NPIPB2: variants seen among roughly 807,000 people sequenced by gnomAD.
NPIPB2 encodes nuclear pore complex interacting protein family member B2, also known as nuclear pore complex-interacting protein family member B2.
Under a neutral mutation model 30.8 loss-of-function variants are expected in NPIPB2, and 27 were observed. That is an observed-to-expected ratio of 0.88 (90% CI 0.65 to 1.21). The LOEUF is 1.21. Among genes scored for constraint, NPIPB2 ranks in the 50% most tolerant of loss-of-function variants. The pLI, the probability that NPIPB2 is intolerant of heterozygous loss-of-function variation, is 0.00. For missense variants in NPIPB2, 440 were observed against 446.2 expected, an observed-to-expected ratio of 0.99 and a Z score of 0.13; for synonymous variants, 147 against 162.0, an observed-to-expected ratio of 0.91 and a Z score of 0.70.
chr16:11,963,244 G>C (rs2055167203), intron 1 of NPIPB2, among the ~76,000 whole-genome samples: 1 of 152,040 alleles, frequency 6.6e-6, no homozygotes, highest in Non-Finnish European at 1.5e-5. Context: ...GCCAGGCGTG[G>C]TGGCATGCAC....
intron 1 of NPIPB2, among the ~76,000 whole-genome samples, chr16:11,952,852 C>T (rs920879211): frequency 6.6e-6 from 1 of 152,148 alleles, no homozygotes; most frequent in Non-Finnish European, 1.5e-5. Context: ...AGGTGTCAGC[C>T]ACCGTGCCTG....
upstream of NPIPB2, among the ~76,000 whole-genome samples, chr16:11,946,774 T>G (rs960296584): frequency 6.6e-6 from 1 of 152,070 alleles, no homozygotes; most frequent in African/African-American, 2.4e-5. Context: ...CCAGCAATCT[T>G]ATTCGTAGGT....
At chr16:11,965,927 T>A (rs2055189679) in intron 1 of NPIPB2, among the ~76,000 whole-genome samples, 2 of 152,124 alleles carry the variant, frequency 1.3e-5, no homozygotes, top group African/African-American at 4.8e-5. Context: ...CTGGCCAACC[T>A]GGTGAAACCC....
chr16:11,939,235 T>C (rs2054906781), intron 1 of NPIPB2, among the ~76,000 whole-genome samples: 1 of 151,596 alleles, frequency 6.6e-6, no homozygotes, highest in African/African-American at 2.4e-5. Flanking sequence ...ATTACTTCAT[T>C]CACAAATAAG....
chr16:11,947,963 G>A (rs1187197634), intron 1 of NPIPB2, among the ~76,000 whole-genome samples: 1 of 148,950 alleles, frequency 6.7e-6, no homozygotes, highest in Non-Finnish European at 1.5e-5. Flanking sequence ...CGGATACTAG[G>A]TGGACAACTA....
intron 1 of NPIPB2, among the ~76,000 whole-genome samples, chr16:11,948,809 T>C (rs1433232470): frequency 1.4e-5 from 2 of 146,596 alleles, no homozygotes; most frequent in South Asian, 2.2e-4. Context: ...AAAAGAAATA[T>C]TAGCTACTTC....
chr16:11,970,321 C>A (rs1057379662), intron 1 of NPIPB2, among the ~76,000 whole-genome samples: 6 of 152,034 alleles, frequency 3.9e-5, no homozygotes, highest in Non-Finnish European at 7.4e-5. Flanking sequence ...CAAACAATTC[C>A]CCTGTCTCAG....
upstream of NPIPB2, among the ~76,000 whole-genome samples, chr16:11,946,179 A>G (rs1280622463): frequency 6.6e-6 from 1 of 152,054 alleles, no homozygotes; most frequent in Non-Finnish European, 1.5e-5. Flanking sequence ...TGAGGTCAGG[A>G]GTTCAAGACC....
chr16:11,971,431 G>C (rs1233487143), intron 1 of NPIPB2, among the ~76,000 whole-genome samples: 1 of 120,440 alleles, frequency 8.3e-6, no homozygotes, highest in Non-Finnish European at 1.6e-5. Flanking sequence ...CTAGAAGCAG[G>C]TATGGGGGAG....
chr16:11,972,147 C>T (rs2055239795), intron 1 of NPIPB2, among the ~76,000 whole-genome samples: 1 of 151,120 alleles, frequency 6.6e-6, no homozygotes, highest in Non-Finnish European at 1.5e-5. Flanking sequence ...GACTCTGTCT[C>T]AAAAAAACAA....
chr16:11,955,519 C>A (rs771823128), intron 1 of NPIPB2, among the ~76,000 whole-genome samples: 33 of 151,608 alleles, frequency 2.2e-4, no homozygotes, highest in Non-Finnish European at 4.3e-4. Flanking sequence ...ACCACCCTGG[C>A]CAACATGGTG....
In NPIPB2 at chr16:11,973,308, C is replaced by T. The variant is rs76721149; in HGVS notation, c.-584+3260G>A. Reference sequence around the variant, plus strand: ...CTTTGGAGTGCCCTTGGCCAAGAGGCGGGCTTCATTCAGATGACTGGGGGA... The same window carrying T: ...CTTTGGAGTGCCCTTGGCCAAGAGGTGGGCTTCATTCAGATGACTGGGGGA... On this transcript the variant is annotated intron_variant, in intron 1 of 5. Transcript: ENST00000538896. 8.7e-4 allele frequency among the ~76,000 whole-genome samples: 133 copies of T among 152,112 alleles called. 2 individuals are homozygous for T. The East Asian group carries it at 0.02, about 23-fold the overall frequency.
chr16:11,963,813 A>T (rs1304007110), intron 1 of NPIPB2: 2 of 150,222 alleles, frequency 1.3e-5, no homozygotes, highest in Non-Finnish European at 3.0e-5. Context: ...AGGTGGGTGG[A>T]TCACTTGACC....
chr16:11,957,134 G>A (rs1430800478), intron 1 of NPIPB2, among the ~76,000 whole-genome samples: 2 of 150,318 alleles, frequency 1.3e-5, no homozygotes, highest in African/African-American at 2.5e-5. Context: ...TGGGATTACA[G>A]GTATGTGCCA....
intron 1 of NPIPB2, among the ~76,000 whole-genome samples, chr16:11,975,198 A>G (rs1596511517): frequency 2.8e-5 from 2 of 71,040 alleles, no homozygotes; most frequent in African/African-American, 5.6e-5. Context: ...CCCAGGCTGG[A>G]GTGCAGTGGC....
At chr16:11,962,563 G>A (rs1047615563) in intron 1 of NPIPB2, among the ~76,000 whole-genome samples, 1 of 141,332 alleles carries the variant, frequency 7.1e-6, no homozygotes, top group African/African-American at 2.6e-5. Flanking sequence ...AGTGAGCTGA[G>A]ATAGCGCCCC....
In NPIPB2 at chr16:11,967,591, C is replaced by T. The variant is rs1293946964; in HGVS notation, c.-584+8977G>A. 6.8e-6 allele frequency: 11 copies of T among 1,613,398 alleles called. No homozygotes were observed. In the Admixed American group the frequency reaches 1.5e-4, roughly 22 times the overall value. On this transcript the variant is annotated intron_variant, in intron 1 of 5. Coordinates refer to the NPIPB2 transcript ENST00000538896. ...TTAGGATCAGGTCTCCTGGGCATGG[C>T]TAACATTGACCTGGAAAAGAGCAGG...
downstream of NPIPB2, chr16:11,927,364 T>C (rs2054730180): frequency 3.4e-6 from 3 of 875,090 alleles, no homozygotes; most frequent in Non-Finnish European, 5.6e-6. Context: ...TCAGTTTTAT[T>C]CTTATTGCTC....
chr16:11,961,492 A>G lies in NPIPB2; in HGVS notation c.-584+15076T>C, dbSNP rs192333474. 5.9e-5 allele frequency among the ~76,000 whole-genome samples: 9 copies of G among 152,190 alleles called. No individual in the cohort carries two copies. In the East Asian group the frequency reaches 1.2e-3, roughly 20 times the overall value. ...TATTATGGACTACTTTAAAAATACA[A>G]AAAGAGGCCAGGCGCAGTGGCTCAC... On this transcript the variant is annotated intron_variant, in intron 1 of 5. Transcript: ENST00000538896.
Sources: gnomAD v4.1 joint callset for allele counts (sites outside exome capture counted in the v4.1 genomes callset) on GRCh38, gnomAD v4.1.1 for gene constraint, MANE v1.5 for transcripts, NCBI Gene and HGNC (gene_info 2026-07-23, HGNC 2026-07-21) for gene names.